Variants in IRAG1 observed in about 807,000 individuals in gnomAD.
The protein encoded by IRAG1 is inositol 1,4,5-triphosphate receptor associated 1.
A neutral mutation model predicts 106.2 loss-of-function variants in IRAG1; 62 were observed. That is an observed-to-expected ratio of 0.58 (90% CI 0.48 to 0.72). The LOEUF is 0.72. IRAG1 is among the 30% of genes least tolerant of loss of function. IRAG1 has a pLI of 0.00. For synonymous variants in IRAG1, 462 were observed against 443.9 expected (o/e 1.04, Z -0.51); for missense variants, 1,064 against 1,140.7 (o/e 0.93, Z 0.97).
rs73413858 is a variant in IRAG1, at chr11:10,646,622, G to A, written c.225+5403C>T. ...CAGAGCACACTCCAACCACATCTCAGTTACTTAAAAGTTACGGGAGGGGAG... is the reference window on the plus strand; with the variant it reads ...CAGAGCACACTCCAACCACATCTCAATTACTTAAAAGTTACGGGAGGGGAG... On this transcript the variant is annotated intron_variant, in intron 2 of 20. Transcript: ENST00000423302. 9.5e-3 allele frequency among the ~76,000 whole-genome samples: 1,446 copies of A among 152,244 alleles called. 24 individuals are homozygous for A. The highest frequency in any genetic ancestry group is 0.034 in the African/African-American group (1,395 of 41,532).
intron 1 of IRAG1, chr11:10,652,447 C>T: frequency 1.2e-6 from 1 of 810,750 alleles, no homozygotes; most frequent in Non-Finnish European, 1.8e-6. Context: ...GAGAAATGTG[C>T]TTCGAACTCC....
At chr11:10,593,687 T>C in intron 16 of IRAG1, 88 bp from the exon 17 acceptor site, 1 of 950,382 alleles carries the variant, frequency 1.1e-6, no homozygotes, top group Non-Finnish European at 1.6e-6. Context: ...TCCTCATTTC[T>C]AATGCTGTAA....
chr11:10,576,930 C>T (rs1850877090), intron 20 of IRAG1, among the ~76,000 whole-genome samples: 1 of 152,202 alleles, frequency 6.6e-6, no homozygotes, highest in East Asian at 1.9e-4. Context: ...GATATCTGCA[C>T]TCTCCCAAGC....
At chr11:10,588,552 T>C (rs1852287297) in intron 18 of IRAG1, among the ~76,000 whole-genome samples, 1 of 152,216 alleles carries the variant, frequency 6.6e-6, no homozygotes, top group African/African-American at 2.4e-5. Context: ...GCTTTCGTTA[T>C]ATTGCCCAGG....
chr11:10,683,886 T>TAA (rs34835579), intron 1 of IRAG1, among the ~76,000 whole-genome samples: 1 of 147,414 alleles, frequency 6.8e-6, no homozygotes, highest in Non-Finnish European at 1.5e-5. Flanking sequence ...GTTGACACTT[T>TAA]AAAAAAAAAA....
intron 15 of IRAG1, among the ~76,000 whole-genome samples, chr11:10,595,511 A>G (rs1282677668): frequency 6.6e-6 from 1 of 152,168 alleles, no homozygotes; most frequent in Non-Finnish European, 1.5e-5. Flanking sequence ...AATAAATCTT[A>G]AAATAATAAC....
chr11:10,688,855 A>C (rs1384976122), intron 1 of IRAG1, among the ~76,000 whole-genome samples: 1 of 152,196 alleles, frequency 6.6e-6, no homozygotes, highest in Non-Finnish European at 1.5e-5. Context: ...ATCAAGACTG[A>C]AACCCCGGTT....
In IRAG1 at chr11:10,573,363, C is replaced by T. The variant is rs1345633669; in HGVS notation, c.*2969G>A. ...CAACTGAAGGCAGGGAACCAGACTCCTAGGGCTAAGCAGAGATGTCAGACT... is the reference window on the plus strand; with the variant it reads ...CAACTGAAGGCAGGGAACCAGACTCTTAGGGCTAAGCAGAGATGTCAGACT... On this transcript the variant is annotated 3_prime_UTR_variant, in exon 21 of 21. Transcript: ENST00000423302. 6.6e-6 allele frequency: 1 copy of T among 152,190 alleles called. No homozygotes were observed. The highest frequency in any genetic ancestry group is 2.1e-4 in the South Asian group (1 of 4,828). The allele number at this position is 152,190 out of a possible 1,614,324, so 9.4% of individuals were successfully genotyped here. A position where few individuals can be genotyped will look rare whatever the true frequency, so the allele number is the denominator to read the frequency against.
intron 9 of IRAG1, 128 bp from the exon 10 acceptor site, chr11:10,623,984 G>A (rs1856033980): frequency 5.2e-6 from 4 of 774,226 alleles, no homozygotes; most frequent in Non-Finnish European, 8.7e-6. Flanking sequence ...AGAGGTGGGT[G>A]GGCAGGCATG....
intron 13 of IRAG1, 48 bp from the exon 14 acceptor site, chr11:10,603,299 G>C: frequency 6.3e-7 from 1 of 1,595,004 alleles, no homozygotes; most frequent in Non-Finnish European, 8.6e-7. Context: ...TAATGTTATG[G>C]ACTAAATCAG....
chr11:10,576,312 C>A lies in IRAG1; in HGVS notation c.*20G>T. On this transcript the variant is annotated 3_prime_UTR_variant, in exon 21 of 21. Transcript: ENST00000423302. ...AGTCTGAGTGTCTCAGAGCAGGGCA[C>A]TGGCTAGGTGTGAGGTTTCCTACTG... The A allele has an allele frequency of 1.2e-6, 2 of 1,612,836 alleles. No individual in the cohort carries two copies. Among genetic ancestry groups the A allele is most frequent in the Non-Finnish European group, 1.7e-6 (2 of 1,179,548 alleles).
intron 20 of IRAG1, among the ~76,000 whole-genome samples, chr11:10,578,122 C>G (rs979536915): frequency 2.0e-5 from 3 of 152,288 alleles, no homozygotes; most frequent in Non-Finnish European, 4.4e-5. Context: ...TCTGTGTGAC[C>G]TTAGCTGGTC....
In IRAG1 at chr11:10,628,633, G is replaced by T; in HGVS notation, c.652+118C>A. ...GGGGTCTTGCTCTGGGTGTGAAGGG[G>T]CCATCAGAGTTCTTGAAGGGGAAGC... On this transcript the variant is annotated intron_variant, in intron 6 of 20. Transcript: ENST00000423302. The surrounding 1 kb of genome is among the most constrained non-coding windows in gnomAD (Gnocchi z 4.1). 2 of 832,744 alleles carry T rather than the reference G, an allele frequency of 2.4e-6. No individual in the cohort carries two copies. Among genetic ancestry groups the T allele is most frequent in the Non-Finnish European group, 3.6e-6 (2 of 557,076 alleles). The allele number at this position is 832,744 out of a possible 1,614,324, so 51.6% of individuals were successfully genotyped here.
chr11:10,644,713 C>T (rs1857803529), intron 2 of IRAG1, among the ~76,000 whole-genome samples: 2 of 152,220 alleles, frequency 1.3e-5, no homozygotes, highest in Non-Finnish European at 2.9e-5. Context: ...ACAGTCCTTA[C>T]CAGGTTCCAA....
intron 2 of IRAG1, among the ~76,000 whole-genome samples, chr11:10,648,048 C>T (rs567965801): frequency 1.3e-5 from 2 of 152,106 alleles, no homozygotes; most frequent in Admixed American, 1.3e-4. Context: ...AGGCGGTGAG[C>T]TTTTCATTAT....
chr11:10,580,000 T>A (rs1373077240), intron 20 of IRAG1, among the ~76,000 whole-genome samples: 1 of 152,230 alleles, frequency 6.6e-6, no homozygotes, highest in Non-Finnish European at 1.5e-5. Flanking sequence ...GAGTTTGCCC[T>A]CTATTCCGTG....
chr11:10,650,497 T>C (rs972474346), intron 2 of IRAG1, among the ~76,000 whole-genome samples: 1 of 152,124 alleles, frequency 6.6e-6, no homozygotes, highest in Non-Finnish European at 1.5e-5. Context: ...GGTACTACCA[T>C]TGTTAGTAAA....
At chr11:10,651,223 G>A (rs370367313) in intron 2 of IRAG1, among the ~76,000 whole-genome samples, 4 of 152,206 alleles carry the variant, frequency 2.6e-5, no homozygotes, top group African/African-American at 7.2e-5. Context: ...AAAATACGAC[G>A]AGGATGATGC....
intron 14 of IRAG1, among the ~76,000 whole-genome samples, chr11:10,601,873 C>T (rs1239552666): frequency 1.3e-5 from 2 of 152,144 alleles, no homozygotes; most frequent in Admixed American, 6.5e-5. Flanking sequence ...GACATAGCAG[C>T]CAAGACGAGG....
Sources: gnomAD v4.1 joint callset for allele counts (sites outside exome capture counted in the v4.1 genomes callset) on GRCh38, gnomAD v4.1.1 for gene constraint, Gnocchi (gnomAD v3.1) non-coding constraint, MANE v1.5 for transcripts, NCBI Gene and HGNC (gene_info 2026-07-23, HGNC 2026-07-21) for gene names.